VDAC1: variants seen among roughly 807,000 people sequenced by gnomAD.
The protein encoded by VDAC1 is non-selective voltage-gated ion channel VDAC1.
VDAC1 carries 10 observed loss-of-function variants against 34.7 expected under a neutral mutation model. The observed-to-expected ratio is 0.29, with a 90% CI of 0.18 to 0.49. The LOEUF (loss-of-function observed/expected upper bound fraction) is 0.49, where lower values mean the gene tolerates loss of function less well. Among genes scored for constraint, VDAC1 ranks in the 20% least tolerant of loss-of-function variants. The probability of loss-of-function intolerance (pLI) is 0.99; values close to 1 mark genes in which losing one functional copy is unlikely to be tolerated. For synonymous variants in VDAC1, 130 were observed against 136.0 expected (o/e 0.96, Z 0.30); for missense variants, 230 against 347.9 (o/e 0.66, Z 2.69).
the VDAC1 span, among the ~76,000 whole-genome samples, chr5:134,039,545 G>T: frequency 2.0e-5 from 3 of 152,058 alleles, no homozygotes; most frequent in Non-Finnish European, 4.4e-5. Flanking sequence ...TAGCCAGGAT[G>T]GTCTCGATCT....
At chr5:134,055,648 G>C in the VDAC1 span, among the ~76,000 whole-genome samples, 10 of 122,324 alleles carry the variant, frequency 8.2e-5, no homozygotes, top group Non-Finnish European at 1.4e-4. Context: ...CCGTGGTCTT[G>C]ATCTCCTGAC....
intron 2 of VDAC1, 136 bp downstream of exon 2, chr5:133,992,810 G>C (rs1342148853): frequency 1.2e-6 from 1 of 840,260 alleles, no homozygotes; most frequent in Admixed American, 3.3e-5. Flanking sequence ...CCACACAAAT[G>C]AAAGCTTCTT....
At chr5:134,053,007 C>T in the VDAC1 span, among the ~76,000 whole-genome samples, 19 of 152,178 alleles carry the variant, frequency 1.2e-4, 1 homozygote, top group South Asian at 1.9e-3. Flanking sequence ...CCCAGCTACC[C>T]GGGAGGCTGA....
At chr5:134,089,901 A>G in the VDAC1 span, among the ~76,000 whole-genome samples, 2 of 152,216 alleles carry the variant, frequency 1.3e-5, no homozygotes, top group Non-Finnish European at 2.9e-5. Flanking sequence ...CTGAGGCAGG[A>G]GAATGGCTTG....
chr5:134,012,019 T>G, the VDAC1 span, among the ~76,000 whole-genome samples: 2 of 148,512 alleles, frequency 1.3e-5, no homozygotes, highest in South Asian at 2.2e-4. Context: ...AGGGCAGGGG[T>G]GGGGAGAGAG....
the VDAC1 span, among the ~76,000 whole-genome samples, chr5:134,025,192 GC>G: frequency 6.6e-6 from 1 of 152,246 alleles, no homozygotes; most frequent in African/African-American, 2.4e-5. Flanking sequence ...TTCTGGCATG[GC>G]CCTCAGGAAG....
the VDAC1 span, among the ~76,000 whole-genome samples, chr5:134,037,817 A>G: frequency 6.6e-6 from 1 of 152,184 alleles, no homozygotes; most frequent in Non-Finnish European, 1.5e-5. Context: ...CACTGCAAAA[A>G]AAGCCCCCAA....
the VDAC1 span, among the ~76,000 whole-genome samples, chr5:134,063,142 C>T: frequency 1.3e-5 from 2 of 152,092 alleles, no homozygotes; most frequent in South Asian, 4.1e-4. Context: ...CATCTAGTTT[C>T]CCCTCAAGTT....
chr5:133,984,608 C>T (rs1489163104), intron 5 of VDAC1, among the ~76,000 whole-genome samples: 4 of 152,142 alleles, frequency 2.6e-5, no homozygotes, highest in Non-Finnish European at 4.4e-5. Context: ...ACAGCCATGA[C>T]GACCAAGGAA....
the VDAC1 span, among the ~76,000 whole-genome samples, chr5:134,076,201 A>T: frequency 6.7e-6 from 1 of 148,638 alleles, no homozygotes; most frequent in Non-Finnish European, 1.5e-5. Flanking sequence ...CTGGTCTTGA[A>T]CTCCTGACCT....
chr5:134,102,068 G>A, the VDAC1 span, among the ~76,000 whole-genome samples: 1 of 152,204 alleles, frequency 6.6e-6, no homozygotes, highest in Non-Finnish European at 1.5e-5. Flanking sequence ...GAGGCACAGG[G>A]GAGCGGTTTC....
At chr5:134,070,200 G>A in the VDAC1 span, among the ~76,000 whole-genome samples, 4 of 152,154 alleles carry the variant, frequency 2.6e-5, no homozygotes, top group Non-Finnish European at 4.4e-5. Context: ...GGAGTGCAAT[G>A]GCGTGATCTC....
chr5:134,016,269 C>T, the VDAC1 span, among the ~76,000 whole-genome samples: 2 of 152,156 alleles, frequency 1.3e-5, no homozygotes, highest in African/African-American at 2.4e-5. Flanking sequence ...GTGACGTTCT[C>T]TGAGAGGGAC....
At chr5:134,074,528 G>A in the VDAC1 span, among the ~76,000 whole-genome samples, 3 of 151,506 alleles carry the variant, frequency 2.0e-5, no homozygotes, top group African/African-American at 7.3e-5. Flanking sequence ...AGGGAAGAGG[G>A]GCTCACAGTG....
chr5:134,044,623 C>CTATCTG, the VDAC1 span, among the ~76,000 whole-genome samples: 2 of 23,038 alleles, frequency 8.7e-5, no homozygotes, highest in Non-Finnish European at 3.6e-4. Flanking sequence ...GTGCACATAA[C>CTATCTG]TGTGTGTGTG....
chr5:134,084,303 C>T, the VDAC1 span, among the ~76,000 whole-genome samples: 1 of 152,192 alleles, frequency 6.6e-6, no homozygotes, highest in Non-Finnish European at 1.5e-5. Flanking sequence ...GCCTCCTCCT[C>T]TGAAAGGCCT....
chr5:134,034,017 A>C, the VDAC1 span, among the ~76,000 whole-genome samples: 1 of 152,038 alleles, frequency 6.6e-6, no homozygotes, highest in Non-Finnish European at 1.5e-5. Flanking sequence ...GAACCGAAAT[A>C]TATTAGAAAT....
the VDAC1 span, among the ~76,000 whole-genome samples, chr5:134,072,734 G>T: frequency 6.6e-6 from 1 of 152,198 alleles, no homozygotes; most frequent in Non-Finnish European, 1.5e-5. Flanking sequence ...AAGGGTCCCA[G>T]CTCCAGGTTC....
the VDAC1 span, among the ~76,000 whole-genome samples, chr5:134,090,572 T>C: frequency 6.6e-6 from 1 of 152,152 alleles, no homozygotes; most frequent in South Asian, 2.1e-4. Flanking sequence ...TAAGTGATGA[T>C]TGGCTGTCCT....
Sources: gnomAD v4.1 joint callset for allele counts (sites outside exome capture counted in the v4.1 genomes callset) on GRCh38, gnomAD v4.1.1 for gene constraint, MANE v1.5 for transcripts, NCBI Gene and HGNC (gene_info 2026-07-23, HGNC 2026-07-21) for gene names.